USP6: variants seen among roughly 807,000 people sequenced by gnomAD.
USP6 encodes ubiquitin specific peptidase 6.
USP6 carries 128 observed loss-of-function variants against 175.7 expected under a neutral mutation model. The observed-to-expected ratio is 0.73, with a 90% CI of 0.63 to 0.84. The LOEUF is 0.84. USP6 is among the 40% of genes least tolerant of loss of function. USP6 has a pLI of 0.00. For missense variants in USP6, 1,498 were observed against 1,760.3 expected, an observed-to-expected ratio of 0.85 and a Z score of 2.67; for synonymous variants, 562 against 630.6, an observed-to-expected ratio of 0.89 and a Z score of 1.63.
Position 5,132,951 on chromosome 17 carries a change from A to C in USP6, c.237A>C (p.Glu79Asp). ...REMTRTSKWM[E>D]MLGEWETYKH... ...TGACACGAACGAGCAAGTGGATGGA[A>C]ATGCTGGGAGAATGGGAGACATATA... is the stretch of plus-strand genomic sequence containing the variant. The change falls in exon 13 of 38, where the codon GAA (glutamate) becomes GAC (aspartate). Residue 79 changes from glutamate to aspartate, a missense_variant. This residue lies in a region of USP6 where 281 missense variants were observed against 259.6 expected (regional missense o/e 1.08). Coordinates refer to ENST00000574788, the MANE Select transcript of USP6 (RefSeq NM_001304284.2). This position sits in a 1 kb window ranked among gnomAD's most constrained non-coding sequence, Gnocchi z 4.7. 1 of 1,614,176 alleles carries C rather than the reference A, an allele frequency of 6.2e-7. No homozygotes were observed. Among genetic ancestry groups the C allele is most frequent in the South Asian group, 1.1e-5 (1 of 91,084 alleles).
chr17:5,120,294 C>T (rs2072624182), intron 2 of USP6, among the ~76,000 whole-genome samples: 1 of 152,026 alleles, frequency 6.6e-6, no homozygotes, highest in African/African-American at 2.4e-5. Context: ...GTGGTGGGGG[C>T]AAGGTCAGGG....
At chr17:5,116,811 C>T (rs1390967728) in intron 1 of USP6, 71 bp downstream of exon 1, 1 of 152,248 alleles carries the variant, frequency 6.6e-6, no homozygotes, top group Non-Finnish European at 1.5e-5. Flanking sequence ...AACAGTTGCA[C>T]TCACTGAGGT....
Position 5,133,438 on chromosome 17 carries a change from C to T in USP6, c.277-5C>T, listed in dbSNP as rs1240150617. On this transcript the variant is annotated splice_polypyrimidine_tract_variant and splice_region_variant and intron_variant, in intron 13 of 37. Transcript: ENST00000574788. ...CTGTGACACCAGATTCTTTTCTGCC[C>T]ACAGCTCATAGATCGAGTGTACAAG... is the stretch of plus-strand genomic sequence containing the variant. The T allele has an allele frequency of 1.2e-6, 2 of 1,609,878 alleles. No homozygotes were observed. The highest frequency in any genetic ancestry group is 1.7e-6 in the Non-Finnish European group (2 of 1,178,082).
chr17:5,132,330 G>T lies in USP6; in HGVS notation c.156-66G>T, dbSNP rs771681909. ...ACAGAGCCAGTCCTTTCTGGGGGTC[G>T]GCTCCCAGGCTTGGGCGGCTCCAGG... On this transcript the variant is annotated intron_variant, in intron 11 of 37. Coordinates refer to ENST00000574788, the MANE Select transcript of USP6 (RefSeq NM_001304284.2). The surrounding 1 kb of genome is among the most constrained non-coding windows in gnomAD (Gnocchi z 4.7). 3 of 1,611,860 alleles carry T rather than the reference G, an allele frequency of 1.9e-6. No homozygotes were observed. Among genetic ancestry groups the T allele is most frequent in the Non-Finnish European group, 2.5e-6 (3 of 1,179,752 alleles).
rs116273351 is a variant in USP6 at position 5,170,934 on chromosome 17, G to C, written c.3954+19G>C. ...AATTTCAGTAAGTGGTTTATTATACGGTTTTCAGAGAGTGGTCTGTGTTTT... is the reference window on the plus strand; with the variant it reads ...AATTTCAGTAAGTGGTTTATTATACCGTTTTCAGAGAGTGGTCTGTGTTTT... On this transcript the variant is annotated intron_variant, in intron 36 of 37. Coordinates refer to ENST00000574788, the MANE Select transcript of USP6 (RefSeq NM_001304284.2). The C allele has an allele frequency of 2.5e-6, 4 of 1,605,738 alleles. No individual in the cohort carries two copies. Among genetic ancestry groups the C allele is most frequent in the Non-Finnish European group, 3.4e-6 (4 of 1,174,852 alleles).
Position 5,144,734 on chromosome 17 carries a change from A to G in USP6, c.1863A>G (p.Gln621=). ...KYAPKFDGFQ[Q]QDSQELLAFL... is the part of the protein sequence containing the mutation. ...CTCCCAAGTTTGATGGGTTTCAGCAACAAGACTCCCAAGAACTTCTGGCTT... is the reference window on the plus strand; with the variant it reads ...CTCCCAAGTTTGATGGGTTTCAGCAGCAAGACTCCCAAGAACTTCTGGCTT... The change falls in exon 26 of 38, where the codon CAA becomes CAG. Residue 621 remains glutamine, a synonymous_variant. Transcript: ENST00000574788. The G allele has an allele frequency of 6.2e-7, 1 of 1,613,852 alleles. No individual in the cohort carries two copies. Among genetic ancestry groups the G allele is most frequent in the Non-Finnish European group, 8.5e-7 (1 of 1,179,834 alleles).
chr17:5,172,781 T>C (rs1567818782), intron 37 of USP6, 24 bp from the exon 38 acceptor site: 4 of 1,611,812 alleles, frequency 2.5e-6, no homozygotes, highest in Non-Finnish European at 3.4e-6. Context: ...GGCTTTTTGT[T>C]AAAGGTTTTT....
At chr17:5,118,487 C>T (rs533314808) in intron 2 of USP6, among the ~76,000 whole-genome samples, 197 bp downstream of exon 2, 1 of 152,376 alleles carries the variant, frequency 6.6e-6, no homozygotes, top group African/African-American at 2.4e-5. Flanking sequence ...CCCAAATCCC[C>T]AGAGGGAGTG....
In USP6 at chr17:5,154,377, C is replaced by A. The variant is rs192769049; in HGVS notation, c.2644-1045C>A. 4.0e-4 allele frequency among the ~76,000 whole-genome samples: 61 copies of A among 152,270 alleles called. 1 individual carries two copies. Among genetic ancestry groups the A allele is most frequent in the Admixed American group, 4.0e-3 (61 of 15,300 alleles). Reference sequence around the variant, plus strand: ...CAAAGGTTCAGCAGCTTTGGATAACCTTGAACTCCCACCAACCATTCCATT... The same window carrying A: ...CAAAGGTTCAGCAGCTTTGGATAACATTGAACTCCCACCAACCATTCCATT... On this transcript the variant is annotated intron_variant, in intron 30 of 37. Transcript: ENST00000574788.
rs762354160 is a variant in USP6, at chr17:5,139,668, G to A, written c.1492G>A (p.Gly498Arg). 26 of 1,608,422 alleles carry A rather than the reference G, an allele frequency of 1.6e-5. No individual in the cohort carries two copies. Among genetic ancestry groups the A allele is most frequent in the Non-Finnish European group, 2.1e-5 (25 of 1,180,016 alleles). ...LATCWQAEHCGEVHNKDMSWP... is the reference protein window; with the variant it reads ...LATCWQAEHCREVHNKDMSWP... ...CACCTGCTGGCAGGCTGAACACTGC[G>A]GAGAGGGTGAGGTTGGCTTTCACTG... The change falls in exon 22 of 38, where the codon GGA becomes AGA. Residue 498 changes from glycine to arginine, a missense_variant. Physicochemically the swap from Gly to Arg is moderately radical, Grantham distance 125 (BLOSUM62 -2). Coordinates refer to ENST00000574788, the MANE Select transcript of USP6 (RefSeq NM_001304284.2).
intron 30 of USP6, among the ~76,000 whole-genome samples, chr17:5,150,159 G>A (rs1308558968): frequency 2.0e-5 from 3 of 151,988 alleles, no homozygotes; most frequent in Non-Finnish European, 4.4e-5. Context: ...AGGCATGGTG[G>A]CACACGACTG....
intron 32 of USP6, 71 bp downstream of exon 32, chr17:5,161,685 T>A: frequency 2.6e-6 from 4 of 1,543,630 alleles, no homozygotes; most frequent in Non-Finnish European, 3.6e-6. Context: ...TTCCTAAGAT[T>A]TCCAATTTTG....
chr17:5,159,146 A>AG (rs1431055069), intron 31 of USP6, among the ~76,000 whole-genome samples: 2 of 152,202 alleles, frequency 1.3e-5, no homozygotes, highest in Non-Finnish European at 2.9e-5. Context: ...GTGGGTAAAG[A>AG]GGCAAGTGAG....
chr17:5,137,584 T>C, intron 19 of USP6, 67 bp from the exon 20 acceptor site: 2 of 1,478,326 alleles, frequency 1.4e-6, no homozygotes, highest in Non-Finnish European at 9.3e-7. Flanking sequence ...AGCCCCAGTG[T>C]GCGCAGCTCG....
chr17:5,141,992 G>A lies in USP6; in HGVS notation c.1574-11G>A. 1 of 1,609,832 alleles carries A rather than the reference G, an allele frequency of 6.2e-7. No individual in the cohort carries two copies. On this transcript the variant is annotated splice_polypyrimidine_tract_variant and intron_variant, in intron 23 of 37. Coordinates refer to ENST00000574788, the MANE Select transcript of USP6 (RefSeq NM_001304284.2). ...ACAGCTAAGCTTTGGTTCTCATATT[G>A]TTTGTTCCAGTTCCCACAGAAAAGG... is the stretch of plus-strand genomic sequence containing the variant.
chr17:5,139,091 C>A (rs2073357525), intron 21 of USP6, 164 bp from the exon 22 acceptor site: 1 of 1,595,062 alleles, frequency 6.3e-7, no homozygotes, highest in East Asian at 2.2e-5. Flanking sequence ...GCAGCACACA[C>A]CCCTCCCTCT....
At position 5,136,631 on chromosome 17, in the gene USP6, G is replaced by C. The variant is rs997209328; in HGVS notation, c.665-9G>C. The stretch of plus-strand genomic sequence containing the variant: ...GCTCTGATTTCATGATGGGCTGGGG[G>C]CTTCTCAGGATTCCACAGCCCAAAT... On this transcript the variant is annotated splice_polypyrimidine_tract_variant and intron_variant, in intron 17 of 37. Coordinates refer to ENST00000574788, the MANE Select transcript of USP6 (RefSeq NM_001304284.2). The C allele has an allele frequency of 1.7e-5, 28 of 1,611,376 alleles. No homozygotes were observed. Among genetic ancestry groups the C allele is most frequent in the Non-Finnish European group, 2.4e-5 (28 of 1,179,330 alleles).
At chr17:5,160,677 G>T (rs1430388403) in intron 31 of USP6, among the ~76,000 whole-genome samples, 1 of 152,146 alleles carries the variant, frequency 6.6e-6, no homozygotes, top group Non-Finnish European at 1.5e-5. Flanking sequence ...GAATAGTGCT[G>T]CAATAAACAC....
chr17:5,163,506 G>A (rs4069716), intron 33 of USP6, among the ~76,000 whole-genome samples: 1 of 152,178 alleles, frequency 6.6e-6, no homozygotes, highest in Admixed American at 6.5e-5. Flanking sequence ...AACCATTTAT[G>A]AGAGTTTCAC....
Sources: allele counts gnomAD v4.1 joint callset (sites outside exome capture counted in the v4.1 genomes callset), GRCh38; gene constraint gnomAD v4.1.1; regional missense constraint gnomAD v4.1.1; non-coding constraint Gnocchi (gnomAD v3.1); transcripts MANE v1.5; gene names NCBI Gene and HGNC (gene_info 2026-07-23, HGNC 2026-07-21).